The following GMDS variants were observed in gnomAD, a reference collection of about 807,000 sequenced individuals.
The protein encoded by GMDS is GDP-mannose 4,6-dehydratase.
GMDS carries 20 observed loss-of-function variants against 49.9 expected under a neutral mutation model. The ratio of observed to expected loss-of-function variants is 0.40; its 90% CI spans 0.28 to 0.58. GMDS has a LOEUF of 0.58. Ranked by LOEUF, GMDS falls within the 20% of genes least tolerant of loss-of-function variation. The pLI, the probability that GMDS is intolerant of heterozygous loss-of-function variation, is 0.42. For missense variants in GMDS, 362 were observed against 481.4 expected, an observed-to-expected ratio of 0.75 and a Z score of 2.32; for synonymous variants, 177 against 178.6, an observed-to-expected ratio of 0.99 and a Z score of 0.07.
intron 6 of GMDS, among the ~76,000 whole-genome samples, chr6:1,944,601 C>T (rs554995039): frequency 1.5e-3 from 216 of 145,262 alleles, no homozygotes; most frequent in Non-Finnish European, 2.4e-3. Context: ...ACCCAGGAAG[C>T]GGAGCTTGCA....
intron 9 of GMDS, among the ~76,000 whole-genome samples, chr6:1,724,206 G>A (rs1167617486): frequency 2.6e-5 from 4 of 152,244 alleles, no homozygotes; most frequent in Non-Finnish European, 5.9e-5. Context: ...AAGCTCAGGA[G>A]AGAGCCAAAT....
chr6:2,031,642 G>T (rs1461311661), intron 4 of GMDS, among the ~76,000 whole-genome samples: 1 of 152,074 alleles, frequency 6.6e-6, no homozygotes, highest in African/African-American at 2.4e-5. Flanking sequence ...GGACATCTGG[G>T]GAAAGAAACA....
intron 4 of GMDS, among the ~76,000 whole-genome samples, chr6:2,100,067 C>T (rs934762691): frequency 5.3e-5 from 8 of 151,958 alleles, no homozygotes; most frequent in African/African-American, 1.9e-4. Flanking sequence ...AAAACTGAGG[C>T]CCAGAGAGAC....
At chr6:1,885,068 G>A (rs1388535176) in intron 7 of GMDS, among the ~76,000 whole-genome samples, 3 of 152,220 alleles carry the variant, frequency 2.0e-5, no homozygotes, top group Admixed American at 2.0e-4. Flanking sequence ...TCTCCTCTGA[G>A]ATGTTAAAAG....
intron 1 of GMDS, among the ~76,000 whole-genome samples, chr6:2,243,955 C>T (rs754417141): frequency 1.4e-4 from 20 of 147,674 alleles, no homozygotes; most frequent in African/African-American, 5.0e-4. Context: ...CTCAGACTCC[C>T]GGACTCAAGT....
chr6:2,192,853 G>A (rs1779107377), intron 1 of GMDS, among the ~76,000 whole-genome samples: 1 of 152,226 alleles, frequency 6.6e-6, no homozygotes, highest in Non-Finnish European at 1.5e-5. Context: ...AGCCTGCCAG[G>A]CCAAGTGGGA....
intron 1 of GMDS, among the ~76,000 whole-genome samples, chr6:2,138,797 T>G (rs1161509755): frequency 2.0e-5 from 3 of 152,232 alleles, no homozygotes; most frequent in African/African-American, 7.2e-5. Context: ...AAAAAACTTC[T>G]CATCAAATCT....
chr6:2,019,004 G>A (rs1216534539), intron 4 of GMDS, among the ~76,000 whole-genome samples: 14 of 151,914 alleles, frequency 9.2e-5, no homozygotes. Context: ...GCTTGGTACT[G>A]TCTTTTTTAT....
At chr6:1,882,557 A>G (rs548629197) in intron 7 of GMDS, among the ~76,000 whole-genome samples, 1 of 152,342 alleles carries the variant, frequency 6.6e-6, no homozygotes, top group East Asian at 1.9e-4. Flanking sequence ...AACAGAAGAG[A>G]GAGAAATAAT....
intron 7 of GMDS, among the ~76,000 whole-genome samples, chr6:1,801,432 GAGA>G (rs1769945459): frequency 6.6e-6 from 1 of 152,202 alleles, no homozygotes; most frequent in Non-Finnish European, 1.5e-5. Context: ...ATGAATATCA[GAGA>G]TTCATACCCT....
At chr6:1,802,426 A>G (rs1769988722) in intron 7 of GMDS, among the ~76,000 whole-genome samples, 1 of 152,346 alleles carries the variant, frequency 6.6e-6, no homozygotes, top group African/African-American at 2.4e-5. Context: ...AAGTATATTT[A>G]AAAAAATGTT....
At chr6:2,199,441 C>T (rs979253308) in intron 1 of GMDS, among the ~76,000 whole-genome samples, 6 of 152,172 alleles carry the variant, frequency 3.9e-5, no homozygotes, top group Admixed American at 1.3e-4. Flanking sequence ...AAACCTGATA[C>T]AATGGCCTAC....
intron 7 of GMDS, among the ~76,000 whole-genome samples, chr6:1,873,047 C>T (rs772765519): frequency 2.0e-5 from 3 of 152,194 alleles, no homozygotes; most frequent in Admixed American, 6.5e-5. Context: ...TGAACTGTTT[C>T]ACAGGAAAGA....
intron 8 of GMDS, among the ~76,000 whole-genome samples, chr6:1,728,493 G>A (rs906347414): frequency 7.2e-5 from 11 of 152,142 alleles, no homozygotes; most frequent in Non-Finnish European, 1.3e-4. Context: ...AGCTGGCCAC[G>A]CTGACTTATG....
chr6:1,913,210 T>C (rs1315674176), intron 7 of GMDS, among the ~76,000 whole-genome samples: 3 of 151,126 alleles, frequency 2.0e-5, no homozygotes, highest in African/African-American at 7.3e-5. Flanking sequence ...TGAAACCCCG[T>C]CTCTACTAAA....
chr6:1,970,233 C>A (rs1261464674), intron 4 of GMDS, among the ~76,000 whole-genome samples: 1 of 152,220 alleles, frequency 6.6e-6, no homozygotes, highest in Non-Finnish European at 1.5e-5. Flanking sequence ...TACCAGTGAG[C>A]TGGAAATGCC....
chr6:1,986,947 T>C (rs557054911), intron 4 of GMDS, among the ~76,000 whole-genome samples: 34 of 152,168 alleles, frequency 2.2e-4, no homozygotes, highest in Non-Finnish European at 4.4e-4. Context: ...TCAAAGGAGA[T>C]ATTGTAAACA....
At chr6:1,894,462 T>C (rs1243463407) in intron 7 of GMDS, among the ~76,000 whole-genome samples, 1 of 152,224 alleles carries the variant, frequency 6.6e-6, no homozygotes, top group Non-Finnish European at 1.5e-5. Flanking sequence ...ATTAAAACAT[T>C]TCATAATATT....
chr6:1,831,837 C>A (rs573638687), intron 7 of GMDS, among the ~76,000 whole-genome samples: 5 of 152,208 alleles, frequency 3.3e-5, no homozygotes, highest in African/African-American at 9.6e-5. Context: ...CAGGTCTCTA[C>A]ACAGCCAATG....
Sources: gnomAD v4.1 joint callset for allele counts (sites outside exome capture counted in the v4.1 genomes callset) on GRCh38, gnomAD v4.1.1 for gene constraint, MANE v1.5 for transcripts, NCBI Gene and HGNC (gene_info 2026-07-23, HGNC 2026-07-21) for gene names.